PTPRG: variants seen among roughly 807,000 people sequenced by gnomAD.
PTPRG encodes the protein protein tyrosine phosphatase receptor type G, also known as receptor-type tyrosine-protein phosphatase gamma.
In PTPRG, 102 loss-of-function variants were observed where a neutral mutation model predicts 165.3. That is an observed-to-expected ratio of 0.62 (90% CI 0.53 to 0.73). The LOEUF (loss-of-function observed/expected upper bound fraction) is 0.73, where lower values mean the gene tolerates loss of function less well. PTPRG is among the 30% of genes least tolerant of loss of function. PTPRG has a pLI of 0.00. For missense variants in PTPRG, 1,866 were observed against 1,861.4 expected (o/e 1.00, Z -0.05); for synonymous variants, 675 against 669.5 (o/e 1.01, Z -0.13).
chr3:62,240,498 C>T lies in PTPRG; in HGVS notation c.2376-3309C>T, dbSNP rs2106944563. On this transcript the variant is annotated intron_variant, in intron 14 of 29. Transcript: ENST00000474889. This position sits in a 1 kb window ranked among gnomAD's most constrained non-coding sequence, Gnocchi z 5.1. ...TTCATCATGTAGCAGCCAAAATGAG[C>T]TTTCTGAAAGAAGCAAATCAGATGG... 6.6e-6 allele frequency among the ~76,000 whole-genome samples: 1 copy of T among 152,304 alleles called. No homozygotes were observed. Among genetic ancestry groups the T allele is most frequent in the South Asian group, 2.1e-4 (1 of 4,820 alleles).
chr3:61,565,989 A>G (rs1416182901), intron 1 of PTPRG, among the ~76,000 whole-genome samples: 1 of 151,856 alleles, frequency 6.6e-6, no homozygotes, highest in Non-Finnish European at 1.5e-5. Context: ...AAGAATCTTT[A>G]CCCAGTCTCT....
intron 5 of PTPRG, among the ~76,000 whole-genome samples, chr3:62,120,549 G>A (rs113643366): frequency 0.011 from 1,418 of 123,690 alleles, 28 homozygotes; most frequent in African/African-American, 0.034. Context: ...TCAGGAGTTC[G>A]AGACCAGCCT....
At chr3:62,039,970 G>T (rs1176580248) in intron 4 of PTPRG, among the ~76,000 whole-genome samples, 1 of 152,146 alleles carries the variant, frequency 6.6e-6, no homozygotes. Context: ...ACATTAAATA[G>T]ATTTAATAAG....
At chr3:61,816,088 C>G (rs2035754392) in intron 2 of PTPRG, among the ~76,000 whole-genome samples, 1 of 152,122 alleles carries the variant, frequency 6.6e-6, no homozygotes, top group Non-Finnish European at 1.5e-5. Flanking sequence ...AACATGACTT[C>G]AGTATCATCT....
chr3:62,098,318 C>T (rs1341287370), intron 5 of PTPRG, among the ~76,000 whole-genome samples: 1 of 152,014 alleles, frequency 6.6e-6, no homozygotes, highest in Non-Finnish European at 1.5e-5. Context: ...GTTTGCATAT[C>T]ACTTACATTG....
chr3:61,803,420 C>T (rs2035307848), intron 2 of PTPRG, among the ~76,000 whole-genome samples: 1 of 138,160 alleles, frequency 7.2e-6, no homozygotes, highest in African/African-American at 3.1e-5. Flanking sequence ...TACTAAGGGA[C>T]ATTGCAATTG....
Position 62,065,624 on chromosome 3 carries a change from G to A in PTPRG, c.520-12539G>A, listed in dbSNP as rs144838854. On this transcript the variant is annotated intron_variant, in intron 4 of 29. Transcript: ENST00000474889. ...AAAAATCCCGGTGGAGCAATGCAAC[G>A]TATTTTCTCCTGTGTGGGAAATAAC... 6.9e-3 allele frequency among the ~76,000 whole-genome samples: 1,050 copies of A among 152,220 alleles called. 4 individuals are homozygous for A. The highest frequency in any genetic ancestry group is 0.01 in the Middle Eastern group (3 of 294).
At chr3:61,873,336 C>G (rs566558990) in intron 2 of PTPRG, among the ~76,000 whole-genome samples, 1 of 152,244 alleles carries the variant, frequency 6.6e-6, no homozygotes, top group Admixed American at 6.5e-5. Context: ...ACCAGCAGAT[C>G]AGTGTGGATA....
At chr3:62,250,257 G>T (rs1014711578) in intron 15 of PTPRG, among the ~76,000 whole-genome samples, 6 of 152,184 alleles carry the variant, frequency 3.9e-5, no homozygotes, top group African/African-American at 1.4e-4. Context: ...TCAGAGAAGT[G>T]GAGTCACGCA....
chr3:61,769,261 ATGTT>A (rs1326121688), intron 2 of PTPRG: 1 of 152,026 alleles, frequency 6.6e-6, no homozygotes, highest in Non-Finnish European at 1.5e-5. Context: ...TCACCCACAA[ATGTT>A]TGTTTTTTTT....
chr3:61,891,295 C>CA (rs1201479793), intron 2 of PTPRG, among the ~76,000 whole-genome samples: 4 of 151,342 alleles, frequency 2.6e-5, no homozygotes, highest in East Asian at 1.9e-4. Flanking sequence ...ACTCCATCTC[C>CA]AAAAAAAATA....
rs535324275 is a variant in PTPRG, at chr3:61,905,075, C to A, written c.191-84550C>A. On this transcript the variant is annotated intron_variant, in intron 2 of 29. Transcript: ENST00000474889. ...GCTTTTTGAAGGAAAAGGCTTCATT[C>A]TCCCTGCTCGAAAGATTGCCACACT... 8.5e-5 allele frequency among the ~76,000 whole-genome samples: 13 copies of A among 152,148 alleles called. 1 individual carries two copies. The highest frequency in any genetic ancestry group is 8.5e-4 in the Admixed American group (13 of 15,268).
intron 12 of PTPRG, among the ~76,000 whole-genome samples, chr3:62,209,717 T>C (rs112699012): frequency 0.014 from 2,185 of 152,298 alleles, 61 homozygotes; most frequent in African/African-American, 0.05. Flanking sequence ...GAAGGGGTTA[T>C]TCAGCTGCCA....
chr3:61,971,295 G>A lies in PTPRG; in HGVS notation c.191-18330G>A, dbSNP rs1405802304. Among the ~76,000 whole-genome samples, 3 of 152,174 alleles carry A rather than the reference G, an allele frequency of 2.0e-5. No individual in the cohort carries two copies. The South Asian group carries it at 6.2e-4, about 32-fold the overall frequency. ...GGTTTGAACTCTGAAGCGAATAGAAGTAGGCTTATCATCATGGAAGTACTT... is the reference window on the plus strand; with the variant it reads ...GGTTTGAACTCTGAAGCGAATAGAAATAGGCTTATCATCATGGAAGTACTT... On this transcript the variant is annotated intron_variant, in intron 2 of 29. Coordinates refer to ENST00000474889, the MANE Select transcript of PTPRG (RefSeq NM_002841.4).
intron 3 of PTPRG, among the ~76,000 whole-genome samples, chr3:61,990,425 C>G (rs1233772656): frequency 1.3e-5 from 2 of 152,194 alleles, no homozygotes; most frequent in African/African-American, 4.8e-5. Flanking sequence ...GTGTATCAGA[C>G]CAGCAATTCA....
In PTPRG at chr3:62,232,612, G is replaced by A. The variant is rs542007790; in HGVS notation, c.2375+1301G>A. ...AAAGATAAATGCACATCCAATTTCAGGTCCTCCCCAGAAGTGATGATGTAG... is the reference window on the plus strand; with the variant it reads ...AAAGATAAATGCACATCCAATTTCAAGTCCTCCCCAGAAGTGATGATGTAG... On this transcript the variant is annotated intron_variant, in intron 14 of 29. Coordinates refer to ENST00000474889, the MANE Select transcript of PTPRG (RefSeq NM_002841.4). 2.0e-4 allele frequency among the ~76,000 whole-genome samples: 30 copies of A among 152,254 alleles called. 1 individual carries two copies. In the East Asian group the frequency reaches 2.3e-3, roughly 12 times the overall value.
chr3:61,990,751 A>C (rs1447819499), intron 3 of PTPRG, among the ~76,000 whole-genome samples: 1 of 152,150 alleles, frequency 6.6e-6, no homozygotes, highest in African/African-American at 2.4e-5. Context: ...CTCTTCTTAA[A>C]GTGAACCCTT....
At chr3:61,704,097 G>C (rs563416091) in intron 1 of PTPRG, among the ~76,000 whole-genome samples, 1 of 152,306 alleles carries the variant, frequency 6.6e-6, no homozygotes, top group East Asian at 1.9e-4. Context: ...AATTACTATG[G>C]AGAGGAGAGG....
intron 2 of PTPRG, among the ~76,000 whole-genome samples, chr3:61,850,001 C>G (rs539579928): frequency 1.9e-4 from 29 of 152,176 alleles, no homozygotes; most frequent in African/African-American, 7.0e-4. Flanking sequence ...ATGTTTCATA[C>G]AAACCTCATT....
Sources: gnomAD v4.1 joint callset for allele counts (sites outside exome capture counted in the v4.1 genomes callset) on GRCh38, gnomAD v4.1.1 for gene constraint, Gnocchi (gnomAD v3.1) non-coding constraint, MANE v1.5 for transcripts, NCBI Gene and HGNC (gene_info 2026-07-23, HGNC 2026-07-21) for gene names.